The following SQLE variants were observed in gnomAD, a reference collection of about 807,000 sequenced individuals.
The protein encoded by SQLE is squalene epoxidase, also known as squalene monooxygenase.
A neutral mutation model predicts 60.7 loss-of-function variants in SQLE; 29 were observed. The observed-to-expected ratio is 0.48, with a 90% CI of 0.36 to 0.65. The LOEUF is 0.65. SQLE is among the 30% of genes least tolerant of loss of function. The probability of loss-of-function intolerance (pLI) is 0.00; values close to 1 mark genes in which losing one functional copy is unlikely to be tolerated. For missense variants in SQLE, 605 were observed against 684.1 expected (o/e 0.88, Z 1.29); for synonymous variants, 237 against 246.8 (o/e 0.96, Z 0.37).
chr8:125,017,183 T>A lies in SQLE; in HGVS notation c.1205-876T>A, dbSNP rs142985165. Among the ~76,000 whole-genome samples, 179 of 152,180 alleles carry A rather than the reference T, an allele frequency of 1.2e-3. 1 individual carries two copies. The highest frequency in any genetic ancestry group is 4.0e-3 in the African/African-American group (165 of 41,520). On this transcript the variant is annotated intron_variant, in intron 7 of 10. Coordinates refer to ENST00000265896, the MANE Select transcript of SQLE (RefSeq NM_003129.4). ...ACAGTCAGCACAAATCCAGCCAGGCTTGTGCCCTTCCCTTGAGGGCAGTGA... is the reference window on the plus strand; with the variant it reads ...ACAGTCAGCACAAATCCAGCCAGGCATGTGCCCTTCCCTTGAGGGCAGTGA...
At chr8:125,001,449 GGTGTGTGTGTGTGTGTGT>G (rs57946751) in intron 1 of SQLE, among the ~76,000 whole-genome samples, 4 of 136,960 alleles carry the variant, frequency 2.9e-5, no homozygotes, top group Non-Finnish European at 4.7e-5. Context: ...CTCCTTTCAG[GGTGTGTGTGTGTGTGTGT>G]GTGTGTGTGT....
intron 7 of SQLE, among the ~76,000 whole-genome samples, chr8:125,014,431 C>A (rs1815081401): frequency 6.6e-6 from 1 of 151,702 alleles, no homozygotes; most frequent in African/African-American, 2.4e-5. Context: ...TGGCTCTGAT[C>A]TTTATTATTT....
chr8:125,013,436 T>G (rs1815068509), intron 7 of SQLE, among the ~76,000 whole-genome samples: 1 of 150,022 alleles, frequency 6.7e-6, no homozygotes, highest in South Asian at 2.2e-4. Context: ...CATTGCAACC[T>G]CGGCCTCCCA....
Position 125,022,067 on chromosome 8 carries a change from G to A in SQLE, c.*122G>A, listed in dbSNP as rs1586322488. On this transcript the variant is annotated 3_prime_UTR_variant, in exon 11 of 11. Coordinates refer to ENST00000265896, the MANE Select transcript of SQLE (RefSeq NM_003129.4). The stretch of plus-strand genomic sequence containing the variant: ...TATAAAGTGGAAACTCTTGGACCAA[G>A]ATTTGGATTAATTTGTTTTTGAAGT... 1 of 623,676 alleles carries A rather than the reference G, an allele frequency of 1.6e-6. No individual in the cohort carries two copies. Among genetic ancestry groups the A allele is most frequent in the East Asian group, 3.4e-5 (1 of 29,318 alleles). The allele number at this position is 623,676 out of a possible 1,614,324, so 38.6% of individuals were successfully genotyped here. A position where few individuals can be genotyped will look rare whatever the true frequency, so the allele number is the denominator to read the frequency against.
intron 7 of SQLE, among the ~76,000 whole-genome samples, chr8:125,012,391 AC>A (rs1815051765): frequency 6.6e-6 from 1 of 152,124 alleles, no homozygotes; most frequent in Non-Finnish European, 1.5e-5. Context: ...GCCCAAAGAA[AC>A]CCCGTACCCA....
At chr8:125,017,706 T>C (rs974742554) in intron 7 of SQLE, among the ~76,000 whole-genome samples, 1 of 152,224 alleles carries the variant, frequency 6.6e-6, no homozygotes, top group Non-Finnish European at 1.5e-5. Context: ...TTGCTTTGTA[T>C]ACCTGGATAC....
At chr8:125,017,528 C>G (rs1293249554) in intron 7 of SQLE, among the ~76,000 whole-genome samples, 1 of 151,980 alleles carries the variant, frequency 6.6e-6, no homozygotes, top group Non-Finnish European at 1.5e-5. Flanking sequence ...GGGCTCCCCT[C>G]TCACCCAGGA....
At chr8:125,000,476 C>T (rs1449594776) in intron 1 of SQLE, among the ~76,000 whole-genome samples, 3 of 152,210 alleles carry the variant, frequency 2.0e-5, no homozygotes, top group Non-Finnish European at 4.4e-5. Context: ...CAAAGTCTCG[C>T]TCTGTCGCCC....
Position 125,005,638 on chromosome 8 carries a change from A to G in SQLE, c.658A>G (p.Ser220Gly), listed in dbSNP as rs375037836. 8.7e-6 allele frequency: 14 copies of G among 1,610,586 alleles called. No homozygotes were observed. The African/African-American group carries it at 1.7e-4, about 20-fold the overall frequency. The change falls in exon 3 of 11, where the codon AGT (serine) becomes GGT (glycine). Residue 220 changes from serine (S) to glycine (G), a missense_variant. Coordinates refer to ENST00000265896, the MANE Select transcript of SQLE (RefSeq NM_003129.4). ...TCTGTCAGAAAACAATCAAGTGCAG[A>G]GTGGAAGAGCTTTCCATCACGGAAG... Reference protein sequence around the residue: ...YPLSENNQVQSGRAFHHGRFI... With the variant: ...YPLSENNQVQGGRAFHHGRFI...
rs539015600 is a variant in SQLE at position 124,999,008 on chromosome 8, C to T, written c.-396C>T. On this transcript the variant is annotated 5_prime_UTR_variant, in exon 1 of 11. Coordinates refer to ENST00000265896, the MANE Select transcript of SQLE (RefSeq NM_003129.4). ...ATTCCCTTCTGAAAGGGCACCTGCT[C>T]TTGGTGAGAAAAGAAATTATAGCAC... 7.2e-6 allele frequency: 2 copies of T among 278,062 alleles called. No homozygotes were observed. The highest frequency in any genetic ancestry group is 1.5e-4 in the South Asian group (1 of 6,506). The allele number at this position is 278,062 out of a possible 1,614,324, so 17.2% of individuals were successfully genotyped here. A position where few individuals can be genotyped will look rare whatever the true frequency, so the allele number is the denominator to read the frequency against.
chr8:125,020,147 C>A (rs989508778), intron 9 of SQLE, among the ~76,000 whole-genome samples: 3 of 152,078 alleles, frequency 2.0e-5, no homozygotes, highest in Non-Finnish European at 4.4e-5. Context: ...TTAAAAGTTA[C>A]AAGATTGGAG....
At chr8:125,003,899 G>T (rs1159929197) in intron 2 of SQLE, among the ~76,000 whole-genome samples, 1 of 150,944 alleles carries the variant, frequency 6.6e-6, no homozygotes, top group Non-Finnish European at 1.5e-5. Context: ...GGTGGGGTGG[G>T]GTGGGGTGGG....
chr8:125,022,118 A>G lies in SQLE; in HGVS notation c.*173A>G. The stretch of plus-strand genomic sequence containing the variant: ...TTTTTGTATATAAATATGTAAATAC[A>G]TGCTTTAATTTGCAATTTAAAATGA... On this transcript the variant is annotated 3_prime_UTR_variant, in exon 11 of 11. Transcript: ENST00000265896. 2.5e-6 allele frequency: 1 copy of G among 407,410 alleles called. No individual in the cohort carries two copies. Among genetic ancestry groups the G allele is most frequent in the Non-Finnish European group, 4.2e-6 (1 of 236,340 alleles). The allele number at this position is 407,410 out of a possible 1,614,324, so 25.2% of individuals were successfully genotyped here. A position where few individuals can be genotyped will look rare whatever the true frequency, so the allele number is the denominator to read the frequency against.
intron 1 of SQLE, among the ~76,000 whole-genome samples, chr8:125,001,798 A>G (rs377350564): frequency 9.9e-6 from 1 of 101,010 alleles, no homozygotes; most frequent in African/African-American, 3.1e-5. Context: ...TTTTTGCTTG[A>G]TTATTTTTTA....
chr8:125,008,109 G>A (rs1413729215), intron 4 of SQLE, among the ~76,000 whole-genome samples: 1 of 151,962 alleles, frequency 6.6e-6, no homozygotes, highest in Admixed American at 6.6e-5. Flanking sequence ...TATTTTTTGA[G>A]ACGGAGTTTC....
At chr8:125,001,449 G>GGGGTGT (rs148454550) in intron 1 of SQLE, among the ~76,000 whole-genome samples, 7 of 136,960 alleles carry the variant, frequency 5.1e-5, no homozygotes, top group Admixed American at 1.5e-4. Flanking sequence ...CTCCTTTCAG[G>GGGGTGT]GTGTGTGTGT....
In SQLE at chr8:124,998,525, G is replaced by T; in HGVS notation, c.-879G>T. 1.5e-6 allele frequency: 1 copy of T among 660,766 alleles called. No homozygotes were observed. Among genetic ancestry groups the T allele is most frequent in the South Asian group, 1.6e-5 (1 of 63,646 alleles). The allele number at this position is 660,766 out of a possible 1,614,324, so 40.9% of individuals were successfully genotyped here. On this transcript the variant is annotated 5_prime_UTR_variant, in exon 1 of 11. Coordinates refer to ENST00000265896, the MANE Select transcript of SQLE (RefSeq NM_003129.4). ...TGGCTGAGACGCGTGGAGCCTGGCGGCGAGTGGGGGCGTGCGACGGTTACT... is the reference window on the plus strand; with the variant it reads ...TGGCTGAGACGCGTGGAGCCTGGCGTCGAGTGGGGGCGTGCGACGGTTACT...
chr8:125,011,705 G>A (rs774880360), intron 7 of SQLE, 73 bp downstream of exon 7: 84 of 1,267,214 alleles, frequency 6.6e-5, no homozygotes, highest in Non-Finnish European at 8.8e-5. Flanking sequence ...AATTTATACT[G>A]TTACGAATAA....
rs370942715 is a variant in SQLE at position 125,003,516 on chromosome 8, C to T, written c.544+88C>T. 42 of 1,426,668 alleles carry T rather than the reference C, an allele frequency of 2.9e-5. 1 individual carries two copies. In the East Asian group the frequency reaches 3.5e-4, roughly 12 times the overall value. 88.4% of individuals were successfully genotyped at this position (1,426,668 alleles called of 1,614,324 possible). A position where few individuals can be genotyped will look rare whatever the true frequency, so the allele number is the denominator to read the frequency against. ...ATCCTATGACCAGTAAGAAGGTATT[C>T]CATTTTATTTTCATTTATAAAATTT... is the stretch of plus-strand genomic sequence containing the variant. On this transcript the variant is annotated intron_variant, in intron 2 of 10. Coordinates refer to ENST00000265896, the MANE Select transcript of SQLE (RefSeq NM_003129.4).
Sources: allele counts gnomAD v4.1 joint callset (sites outside exome capture counted in the v4.1 genomes callset), GRCh38; gene constraint gnomAD v4.1.1; transcripts MANE v1.5; gene names NCBI Gene and HGNC (gene_info 2026-07-23, HGNC 2026-07-21).